NREP: variants seen among roughly 807,000 people sequenced by gnomAD.
NREP encodes neuronal regeneration-related protein.
NREP carries 5 observed loss-of-function variants against 8.6 expected under a neutral mutation model. The ratio of observed to expected loss-of-function variants is 0.58; its 90% CI spans 0.30 to 1.22. The LOEUF (loss-of-function observed/expected upper bound fraction) is 1.22. NREP is among the 50% of genes most tolerant of loss of function. The pLI, the probability that NREP is intolerant of heterozygous loss-of-function variation, is 0.07. For missense variants in NREP, 86 were observed against 82.5 expected, an observed-to-expected ratio of 1.04 and a Z score of -0.17; for synonymous variants, 27 against 28.0, an observed-to-expected ratio of 0.96 and a Z score of 0.11.
chr5:111,812,255 C>A (rs1378707373), intron 2 of NREP, among the ~76,000 whole-genome samples: 1 of 152,058 alleles, frequency 6.6e-6, no homozygotes, highest in Non-Finnish European at 1.5e-5. Flanking sequence ...CCACTGCACT[C>A]CAGCCTGTGT....
upstream of NREP, chr5:111,757,349 G>A (rs1381669195): frequency 1.1e-6 from 1 of 903,400 alleles, no homozygotes; most frequent in African/African-American, 1.8e-5. Flanking sequence ...TGCAGCCTTG[G>A]AAAAAGGAGG....
At chr5:111,742,885 G>C (rs1055019267) in intron 2 of NREP, among the ~76,000 whole-genome samples, 1 of 152,078 alleles carries the variant, frequency 6.6e-6, no homozygotes, top group African/African-American at 2.4e-5. Flanking sequence ...CACTGATCGA[G>C]GAATTCTCAG....
At chr5:111,741,824 T>TACACACACACACAC (rs112980817) in intron 2 of NREP, among the ~76,000 whole-genome samples, 24 of 73,484 alleles carry the variant, frequency 3.3e-4, no homozygotes, top group African/African-American at 8.0e-4. Context: ...AACACACACA[T>TACACACACACACAC]ACACACACAC....
chr5:111,783,595 G>A (rs1056981087), intron 2 of NREP, among the ~76,000 whole-genome samples: 1 of 152,134 alleles, frequency 6.6e-6, no homozygotes, highest in Non-Finnish European at 1.5e-5. Flanking sequence ...CTGTTTTATT[G>A]ATGTCCCTTC....
chr5:111,889,226 A>G (rs1317918853), intron 2 of NREP, among the ~76,000 whole-genome samples: 5 of 152,226 alleles, frequency 3.3e-5, no homozygotes, highest in Non-Finnish European at 7.3e-5. Context: ...TCATGACAGA[A>G]GGCAAAAGAG....
intron 2 of NREP, among the ~76,000 whole-genome samples, chr5:111,750,480 T>G (rs991736307): frequency 1.3e-5 from 2 of 152,148 alleles, no homozygotes; most frequent in African/African-American, 4.8e-5. Context: ...AGTGTCAAGG[T>G]TGATTAGCAA....
chr5:111,845,414 C>T (rs781485140), intron 2 of NREP, among the ~76,000 whole-genome samples: 3 of 152,052 alleles, frequency 2.0e-5, no homozygotes, highest in African/African-American at 2.4e-5. Context: ...CTGGCAACTC[C>T]TATTCTGCCA....
In NREP at chr5:111,753,352, A is replaced by G. The variant is rs11241137; in HGVS notation, c.3+2418T>C. ...ATTTTATATATATATATATATATAT[A>G]TGTATATATATATGATATGTAGATA... On this transcript the variant is annotated intron_variant, in intron 2 of 3. Transcript: ENST00000257435. Among the ~76,000 whole-genome samples, 19 of 131,370 alleles carry G rather than the reference A, an allele frequency of 1.4e-4. No individual in the cohort carries two copies. In the South Asian group the frequency reaches 1.7e-3, roughly 12 times the overall value. The allele number at this position is 131,370 out of a possible 152,430, so 86.2% of individuals were successfully genotyped here.
At chr5:111,848,934 A>C (rs1753245129) in intron 2 of NREP, among the ~76,000 whole-genome samples, 1 of 152,090 alleles carries the variant, frequency 6.6e-6, no homozygotes, top group Admixed American at 6.6e-5. Context: ...TCTTTTTCTC[A>C]TTAGAGTTAT....
At chr5:111,826,428 C>T (rs1752629284) in intron 2 of NREP, among the ~76,000 whole-genome samples, 2 of 152,194 alleles carry the variant, frequency 1.3e-5, no homozygotes, top group South Asian at 4.1e-4. Flanking sequence ...TTTGGGTCTG[C>T]ACTGCATTTA....
intron 2 of NREP, among the ~76,000 whole-genome samples, chr5:111,833,976 G>C (rs2112939341): frequency 6.6e-6 from 1 of 152,256 alleles, no homozygotes; most frequent in African/African-American, 2.4e-5. Flanking sequence ...TAGGGCAAAG[G>C]GTAGGCAGTT....
At chr5:111,768,094 A>G (rs1751128864) in intron 2 of NREP, among the ~76,000 whole-genome samples, 1 of 152,216 alleles carries the variant, frequency 6.6e-6, no homozygotes, top group Non-Finnish European at 1.5e-5. Flanking sequence ...ATAGGATAAT[A>G]TGCATATTAC....
chr5:111,876,953 A>C (rs1753924749), intron 2 of NREP, among the ~76,000 whole-genome samples: 1 of 152,232 alleles, frequency 6.6e-6, no homozygotes, highest in African/African-American at 2.4e-5. Context: ...AAACCCAGGC[A>C]GTCTGTGCTC....
intron 2 of NREP, among the ~76,000 whole-genome samples, chr5:111,867,613 T>C (rs1753697946): frequency 6.6e-6 from 1 of 152,126 alleles, no homozygotes. Flanking sequence ...CCTATAAATA[T>C]AGAGCAAGAA....
chr5:111,799,346 A>G (rs1751948138), intron 2 of NREP, among the ~76,000 whole-genome samples: 1 of 152,076 alleles, frequency 6.6e-6, no homozygotes, highest in Non-Finnish European at 1.5e-5. Flanking sequence ...GAATTTGTAG[A>G]CTGCTTTTAG....
intron 2 of NREP, among the ~76,000 whole-genome samples, chr5:111,810,138 A>C (rs968134114): frequency 1.3e-5 from 2 of 152,150 alleles, no homozygotes; most frequent in African/African-American, 4.8e-5. Context: ...AGAAGGAGTA[A>C]AAAATAAGTT....
intron 2 of NREP, among the ~76,000 whole-genome samples, chr5:111,833,587 T>A (rs939663275): frequency 6.6e-6 from 1 of 152,184 alleles, no homozygotes; most frequent in African/African-American, 2.4e-5. Flanking sequence ...GTAGAGTTAG[T>A]TGGGTTTGAT....
intron 3 of NREP, chr5:111,734,140 A>C (rs1204257498): frequency 1.3e-5 from 2 of 152,230 alleles, no homozygotes; most frequent in African/African-American, 4.8e-5. Flanking sequence ...GCACCACTGA[A>C]CTCATCAAGG....
chr5:111,972,278 C>T (rs1025876436), intron 2 of NREP, among the ~76,000 whole-genome samples: 4 of 152,132 alleles, frequency 2.6e-5, no homozygotes, highest in African/African-American at 9.7e-5. Flanking sequence ...CCACTGCATA[C>T]TGTTGATGTT....
Sources: gnomAD v4.1 joint callset for allele counts (sites outside exome capture counted in the v4.1 genomes callset) on GRCh38, gnomAD v4.1.1 for gene constraint, MANE v1.5 for transcripts, NCBI Gene and HGNC (gene_info 2026-07-23, HGNC 2026-07-21) for gene names.